DNAJB6: variants seen among roughly 807,000 people sequenced by gnomAD.
The protein encoded by DNAJB6 is DnaJ heat shock protein family (Hsp40) member B6.
In DNAJB6, 16 loss-of-function variants were observed where a neutral mutation model predicts 42.7. That is an observed-to-expected ratio of 0.37 (90% CI 0.25 to 0.57). The LOEUF is 0.57. DNAJB6 is among the 20% of genes least tolerant of loss of function. The probability of loss-of-function intolerance (pLI) is 0.74; values close to 1 mark genes in which losing one functional copy is unlikely to be tolerated. For synonymous variants in DNAJB6, 170 were observed against 163.5 expected, an observed-to-expected ratio of 1.04 and a Z score of -0.30; for missense variants, 347 against 416.8, an observed-to-expected ratio of 0.83 and a Z score of 1.46.
intron 1 of DNAJB6, among the ~76,000 whole-genome samples, chr7:157,350,825 T>G (rs888522464): frequency 1.3e-5 from 2 of 151,316 alleles, no homozygotes; most frequent in Admixed American, 1.3e-4. Flanking sequence ...GAGTCTTAGC[T>G]GGCGTTACAG....
At chr7:157,412,084 A>T (rs770048886) in intron 9 of DNAJB6, 18 of 152,166 alleles carry the variant, frequency 1.2e-4, no homozygotes, top group Admixed American at 4.6e-4. Context: ...ACCATCAAAG[A>T]TTTAAAGACG....
intron 1 of DNAJB6, among the ~76,000 whole-genome samples, chr7:157,341,625 C>G (rs111808689): frequency 0.022 from 3,342 of 152,242 alleles, 103 homozygotes; most frequent in African/African-American, 0.072. Context: ...GAACTGTGTA[C>G]TAATACTTAT....
chr7:157,386,483 A>G (rs907205939), intron 8 of DNAJB6, among the ~76,000 whole-genome samples: 5 of 152,194 alleles, frequency 3.3e-5, no homozygotes, highest in Admixed American at 3.3e-4. Context: ...GTAAGTTGTG[A>G]TTTAGCAATT....
At position 157,401,718 on chromosome 7, in the gene DNAJB6, G is replaced by T. The variant is rs541758735; in HGVS notation, c.692-8077G>T. Among the ~76,000 whole-genome samples the T allele has an allele frequency of 3.6e-4, 55 of 152,298 alleles. 2 individuals carry two copies. The South Asian group carries it at 0.011, about 29-fold the overall frequency. ...GGAACTAAGGGGAGAGAGCTGTGAC[G>T]TGAAGCATTACGCAATAAAGAGGTT... On this transcript the variant is annotated intron_variant, in intron 8 of 9. Coordinates refer to ENST00000262177, the MANE Select transcript of DNAJB6 (RefSeq NM_058246.4).
intron 5 of DNAJB6, among the ~76,000 whole-genome samples, chr7:157,377,399 A>G (rs1311042761): frequency 6.6e-6 from 1 of 152,234 alleles, no homozygotes; most frequent in African/African-American, 2.4e-5. Flanking sequence ...CTCAGGATAC[A>G]AAGTTAAGGT....
intron 8 of DNAJB6, among the ~76,000 whole-genome samples, chr7:157,393,400 G>C (rs992397024): frequency 6.6e-6 from 1 of 152,158 alleles, no homozygotes; most frequent in African/African-American, 2.4e-5. Context: ...TTTTCCAGCA[G>C]GCTGATTTTA....
At chr7:157,386,276 GAAAAT>G in intron 8 of DNAJB6, 1 of 975,620 alleles carries the variant, frequency 1.0e-6, no homozygotes. Flanking sequence ...AAAAAAAAAA[GAAAAT>G]AAATGCGAAT....
chr7:157,381,741 T>G (rs1268786967), intron 5 of DNAJB6: 1 of 132,764 alleles, frequency 7.5e-6, no homozygotes, highest in Non-Finnish European at 1.6e-5. Context: ...GCCACACCAT[T>G]CCTCGTGTGT....
At chr7:157,362,726 A>G (rs1268303811) in intron 2 of DNAJB6, among the ~76,000 whole-genome samples, 2 of 152,200 alleles carry the variant, frequency 1.3e-5, no homozygotes, top group African/African-American at 4.8e-5. Context: ...CGTTGTGGAC[A>G]CTGTGATCTT....
At position 157,337,249 on chromosome 7, in the gene DNAJB6, G is replaced by A. The variant is rs538394333; in HGVS notation, c.-27+105G>A. On this transcript the variant is annotated intron_variant, in intron 1 of 9. Transcript: ENST00000262177. ...CCTGGCAACAGCGCGGGGGGTGACC[G>A]GGGTCGCCGGCCGGGGAAAGGACTG... 5 of 152,324 alleles carry A rather than the reference G, an allele frequency of 3.3e-5. No individual in the cohort carries two copies. The East Asian group carries it at 9.7e-4, about 29-fold the overall frequency. 9.4% of individuals were successfully genotyped at this position (152,324 alleles called of 1,614,324 possible).
At chr7:157,393,020 A>G (rs1584935740) in intron 8 of DNAJB6, among the ~76,000 whole-genome samples, 1 of 151,874 alleles carries the variant, frequency 6.6e-6, no homozygotes, top group South Asian at 2.1e-4. Context: ...CCCAGGCTGG[A>G]TGGAGTGCAG....
At chr7:157,364,646 T>C (rs1799760874) in intron 3 of DNAJB6, among the ~76,000 whole-genome samples, 1 of 152,156 alleles carries the variant, frequency 6.6e-6, no homozygotes, top group Admixed American at 6.5e-5. Context: ...CCTTGTTGTT[T>C]GTGTGCTAAT....
At chr7:157,380,858 C>T (rs541872925) in intron 5 of DNAJB6, 2 of 152,606 alleles carry the variant, frequency 1.3e-5, no homozygotes, top group East Asian at 1.9e-4. Context: ...GAAGCTTCCT[C>T]AGCCTTTGCT....
chr7:157,389,438 A>G (rs74522959), intron 8 of DNAJB6, among the ~76,000 whole-genome samples: 3,988 of 152,312 alleles, frequency 0.026, 73 homozygotes, highest in Non-Finnish European at 0.042. Flanking sequence ...CAAGCACAAA[A>G]TTATGTTTAG....
chr7:157,341,739 AT>A (rs1240251029), intron 1 of DNAJB6, among the ~76,000 whole-genome samples: 1 of 152,146 alleles, frequency 6.6e-6, no homozygotes, highest in Non-Finnish European at 1.5e-5. Flanking sequence ...CTTAGAAAGT[AT>A]TGATTGAATT....
intron 8 of DNAJB6, among the ~76,000 whole-genome samples, chr7:157,399,831 G>A (rs527805372): frequency 6.6e-6 from 1 of 152,040 alleles, no homozygotes; most frequent in South Asian, 2.1e-4. Flanking sequence ...ACCACCCCTG[G>A]CTAACTTTTG....
At chr7:157,400,479 C>T (rs1801812216) in intron 8 of DNAJB6, among the ~76,000 whole-genome samples, 1 of 152,240 alleles carries the variant, frequency 6.6e-6, no homozygotes, top group Non-Finnish European at 1.5e-5. Flanking sequence ...CCTGGTCATC[C>T]TTCCCTGGTA....
At chr7:157,401,274 G>A (rs973293531) in intron 8 of DNAJB6, among the ~76,000 whole-genome samples, 2 of 151,860 alleles carry the variant, frequency 1.3e-5, no homozygotes, top group Non-Finnish European at 2.9e-5. Flanking sequence ...CCTGGAGTGC[G>A]ATGGCGCCAT....
chr7:157,365,593 G>C (rs1254615202), intron 3 of DNAJB6, among the ~76,000 whole-genome samples: 9 of 152,188 alleles, frequency 5.9e-5, no homozygotes, highest in Admixed American at 5.9e-4. Flanking sequence ...GTACTTGGTC[G>C]TGTGATTTTA....
Sources: allele counts gnomAD v4.1 joint callset (sites outside exome capture counted in the v4.1 genomes callset), GRCh38; gene constraint gnomAD v4.1.1; transcripts MANE v1.5; gene names NCBI Gene and HGNC (gene_info 2026-07-23, HGNC 2026-07-21).